The following OXR1 variants were observed in gnomAD, a reference collection of about 807,000 sequenced individuals.
OXR1 encodes oxidation resistance protein 1.
Under a neutral mutation model 104.6 loss-of-function variants are expected in OXR1, and 41 were observed. The observed-to-expected ratio is 0.39, with a 90% CI of 0.31 to 0.51. The LOEUF (loss-of-function observed/expected upper bound fraction) is 0.51, where lower values mean the gene tolerates loss of function less well. Ranked by LOEUF, OXR1 falls within the 20% of genes least tolerant of loss-of-function variation. The probability of loss-of-function intolerance (pLI) is 0.77; values close to 1 mark genes in which losing one functional copy is unlikely to be tolerated. For synonymous variants in OXR1, 348 were observed against 348.4 expected, an observed-to-expected ratio of 1.00 and a Z score of 0.01; for missense variants, 955 against 1,031.9, an observed-to-expected ratio of 0.93 and a Z score of 1.02.
chr8:106,603,956 G>A (rs1379985233), intron 3 of OXR1, among the ~76,000 whole-genome samples: 1 of 152,132 alleles, frequency 6.6e-6, no homozygotes, highest in African/African-American at 2.4e-5. Context: ...GGGAGGCTGA[G>A]GCAGGAGACT....
intron 1 of OXR1, among the ~76,000 whole-genome samples, chr8:106,299,982 A>G (rs925028623): frequency 1.3e-5 from 2 of 152,192 alleles, no homozygotes; most frequent in Non-Finnish European, 2.9e-5. Flanking sequence ...AAGTCAAGGA[A>G]GAAGTGGGGT....
intron 11 of OXR1, among the ~76,000 whole-genome samples, chr8:106,720,218 C>A (rs748359333): frequency 6.6e-6 from 1 of 152,196 alleles, no homozygotes. Context: ...TTTGGCGGAA[C>A]CTTTGCATCA....
intron 2 of OXR1, among the ~76,000 whole-genome samples, chr8:106,506,308 T>C (rs1812151835): frequency 6.6e-6 from 1 of 152,080 alleles, no homozygotes; most frequent in African/African-American, 2.4e-5. Flanking sequence ...GAGGAAAACT[T>C]TGGAGGTAAA....
chr8:106,629,929 C>T (rs985264813), intron 3 of OXR1, among the ~76,000 whole-genome samples: 7 of 152,116 alleles, frequency 4.6e-5, no homozygotes, highest in African/African-American at 1.7e-4. Flanking sequence ...AAATAATAGT[C>T]AATGTGATCT....
intron 2 of OXR1, among the ~76,000 whole-genome samples, chr8:106,430,528 C>G (rs1180531238): frequency 1.3e-5 from 2 of 152,140 alleles, no homozygotes; most frequent in Non-Finnish European, 2.9e-5. Context: ...TAAAATGATG[C>G]CCTACCTCTA....
chr8:106,693,028 A>G (rs911600934), intron 7 of OXR1, 151 bp downstream of exon 7: 1 of 494,336 alleles, frequency 2.0e-6, no homozygotes, highest in Admixed American at 3.8e-5. Context: ...TTGGGTTAGT[A>G]TGGATGTTGC....
At chr8:106,509,810 C>T (rs974398392) in intron 2 of OXR1, among the ~76,000 whole-genome samples, 2 of 152,184 alleles carry the variant, frequency 1.3e-5, no homozygotes, top group Non-Finnish European at 1.5e-5. Context: ...CTCGCTCTGT[C>T]GCCCAGGCTG....
At chr8:106,532,353 A>G (rs1344098162) in intron 3 of OXR1, among the ~76,000 whole-genome samples, 1 of 152,256 alleles carries the variant, frequency 6.6e-6, no homozygotes, top group African/African-American at 2.4e-5. Flanking sequence ...GGAATTACAT[A>G]CAATTGGATT....
Position 106,619,292 on chromosome 8 carries a change from T to C in OXR1, c.221-59918T>C, listed in dbSNP as rs142647643. On this transcript the variant is annotated intron_variant, in intron 3 of 16. Coordinates refer to ENST00000517566, the MANE Select transcript of OXR1 (RefSeq NM_001198533.2). ...TGCACAGCTAAGAGGTTGACTATCT[T>C]TTCTTTTTATCTGGGTAATTTCAAA... Among the ~76,000 whole-genome samples the C allele has an allele frequency of 2.7e-3, 414 of 152,324 alleles. 6 individuals are homozygous for C. The highest frequency in any genetic ancestry group is 0.02 in the Admixed American group (307 of 15,296).
At chr8:106,694,989 T>C (rs1829858684) in intron 7 of OXR1, among the ~76,000 whole-genome samples, 1 of 92,938 alleles carries the variant, frequency 1.1e-5, no homozygotes, top group Non-Finnish European at 2.2e-5. Context: ...TATATATCTT[T>C]AATATGTCAC....
chr8:106,367,220 C>A (rs1816507861), intron 2 of OXR1, among the ~76,000 whole-genome samples: 1 of 151,882 alleles, frequency 6.6e-6, no homozygotes, highest in Non-Finnish European at 1.5e-5. Flanking sequence ...TGCCACCATG[C>A]CCGGCTAATT....
At chr8:106,424,415 T>C (rs1819027745) in intron 2 of OXR1, among the ~76,000 whole-genome samples, 1 of 152,170 alleles carries the variant, frequency 6.6e-6, no homozygotes, top group Non-Finnish European at 1.5e-5. Flanking sequence ...AAATATATAG[T>C]ATGGTAATTT....
At chr8:106,329,274 G>A (rs891916447) in intron 1 of OXR1, among the ~76,000 whole-genome samples, 2 of 151,790 alleles carry the variant, frequency 1.3e-5, no homozygotes, top group Non-Finnish European at 2.9e-5. Flanking sequence ...TTACAGTCAT[G>A]AGCCACTGTG....
intron 2 of OXR1, among the ~76,000 whole-genome samples, chr8:106,359,902 C>T (rs1816167042): frequency 6.6e-6 from 1 of 152,020 alleles, no homozygotes; most frequent in Non-Finnish European, 1.5e-5. Context: ...CCCAGCACAC[C>T]CTAGGAGAGA....
At position 106,273,073 on chromosome 8, in the gene OXR1, C is replaced by T. The variant is rs1057465611; in HGVS notation, c.-139+2706C>T. On this transcript the variant is annotated intron_variant, in intron 1 of 16. Coordinates refer to ENST00000517566, the MANE Select transcript of OXR1 (RefSeq NM_001198533.2). ...TGTGAGATGAGAGAATCTTTTACTC[C>T]CGATCTCCTGCATTTGAAATACAAA... Among the ~76,000 whole-genome samples the T allele has an allele frequency of 4.6e-5, 7 of 151,936 alleles. No homozygotes were observed. The East Asian group carries it at 5.8e-4, about 13-fold the overall frequency.
Position 106,276,753 on chromosome 8 carries a change from C to CAAAAAAA in OXR1, c.-139+6399_-139+6405dup, listed in dbSNP as rs56303147. The stretch of plus-strand genomic sequence containing the variant: ...TTCAGCTGTTAGATTCTGTTAGAGG[C>CAAAAAAA]AAAAAAAAAAAAAAAAAAAGGTAAC... On this transcript the variant is annotated intron_variant, in intron 1 of 16. Coordinates refer to ENST00000517566, the MANE Select transcript of OXR1 (RefSeq NM_001198533.2). 2.9e-3 allele frequency among the ~76,000 whole-genome samples: 224 copies of CAAAAAAA among 77,734 alleles called. 1 individual carries two copies. Among genetic ancestry groups the CAAAAAAA allele is most frequent in the African/African-American group, 0.01 (213 of 20,342 alleles). The allele number at this position is 77,734 out of a possible 152,430, so 51.0% of individuals were successfully genotyped here. A position where few individuals can be genotyped will look rare whatever the true frequency, so the allele number is the denominator to read the frequency against.
chr8:106,639,611 A>G (rs570357074), intron 3 of OXR1, among the ~76,000 whole-genome samples: 1 of 152,324 alleles, frequency 6.6e-6, no homozygotes, highest in East Asian at 1.9e-4. Context: ...AGGGTGGGAC[A>G]TAGTTGGAAT....
In OXR1 at chr8:106,595,531, C is replaced by A. The variant is rs769004099; in HGVS notation, c.220+76392C>A. Among the ~76,000 whole-genome samples, 129 of 91,926 alleles carry A rather than the reference C, an allele frequency of 1.4e-3. 1 individual carries two copies. The highest frequency in any genetic ancestry group is 8.2e-3 in the South Asian group (23 of 2,816). The allele number at this position is 91,926 out of a possible 152,430, so 60.3% of individuals were successfully genotyped here. The stretch of plus-strand genomic sequence containing the variant: ...CACCACTGCACTCCAGCCTGGGCGA[C>A]AAGAGTGAAACTCCGTCTCAAAAAA... On this transcript the variant is annotated intron_variant, in intron 3 of 16. Coordinates refer to ENST00000517566, the MANE Select transcript of OXR1 (RefSeq NM_001198533.2).
intron 2 of OXR1, among the ~76,000 whole-genome samples, chr8:106,397,691 T>TC (rs1230684063): frequency 6.6e-6 from 1 of 152,232 alleles, no homozygotes; most frequent in East Asian, 1.9e-4. Context: ...AACTTTTTTT[T>TC]CCCCATAAAT....
Sources: allele counts gnomAD v4.1 joint callset (sites outside exome capture counted in the v4.1 genomes callset), GRCh38; gene constraint gnomAD v4.1.1; transcripts MANE v1.5; gene names NCBI Gene and HGNC (gene_info 2026-07-23, HGNC 2026-07-21).